NUP98: variants seen among roughly 807,000 people sequenced by gnomAD.
The protein encoded by NUP98 is nucleoporin 98 and 96 precursor, also known as nuclear pore complex protein Nup98-Nup96.
A neutral mutation model predicts 191.9 loss-of-function variants in NUP98; 26 were observed. The observed-to-expected ratio is 0.14, with a 90% CI of 0.10 to 0.19. The LOEUF (loss-of-function observed/expected upper bound fraction) is 0.19. Among genes scored for constraint, NUP98 ranks in the 10% least tolerant of loss-of-function variants. NUP98 has a pLI of 1.00. For synonymous variants in NUP98, 808 were observed against 778.4 expected (o/e 1.04, Z -0.63); for missense variants, 1,941 against 2,178.8 (o/e 0.89, Z 2.17).
chr11:3,776,117 CTTCA>C, intron 4 of NUP98, 96 bp from the exon 5 acceptor site: 2 of 746,398 alleles, frequency 2.7e-6, no homozygotes, highest in Admixed American at 2.7e-5. Flanking sequence ...CATCACAGTA[CTTCA>C]TTTTTTTTTT....
intron 6 of NUP98, among the ~76,000 whole-genome samples, chr11:3,772,397 A>C (rs1719993618): frequency 6.6e-6 from 1 of 152,226 alleles, no homozygotes. Flanking sequence ...AGAAAGAAGC[A>C]ATCACTATAA....
chr11:3,720,783 A>G lies in NUP98; in HGVS notation c.2189T>C (p.Met730Thr). The G allele has an allele frequency of 6.3e-7, 1 of 1,580,264 alleles. No homozygotes were observed. Among genetic ancestry groups the G allele is most frequent in the South Asian group, 1.1e-5 (1 of 90,194 alleles). ...TKVGYYTIPS[M>T]DDLAKITNEK... The stretch of plus-strand genomic sequence containing the variant: ...ATTGGTAATTTTAGCAAGGTCATCC[A>G]TAGATGGAATAGTATAGTAACCAAC... The change falls in exon 17 of 33, where the codon ATG (methionine) becomes ACG (threonine). Residue 730 changes from methionine to threonine, a missense_variant. By Grantham distance (81) the Met-to-Thr change is moderately conservative. Coordinates refer to ENST00000324932, the MANE Select transcript of NUP98 (RefSeq NM_016320.5).
chr11:3,741,698 C>A (rs1476308999), intron 12 of NUP98, among the ~76,000 whole-genome samples: 4 of 152,050 alleles, frequency 2.6e-5, no homozygotes, highest in African/African-American at 4.8e-5. Flanking sequence ...GTCAAAGACA[C>A]AACTGTTAAG....
intron 2 of NUP98, among the ~76,000 whole-genome samples, chr11:3,780,799 G>A (rs1487586114): frequency 6.6e-6 from 1 of 151,836 alleles, no homozygotes; most frequent in Non-Finnish European, 1.5e-5. Flanking sequence ...GAGCCAGGAG[G>A]CCAGGCGCAG....
At chr11:3,705,944 G>A (rs1221030843) in intron 21 of NUP98, among the ~76,000 whole-genome samples, 1 of 146,736 alleles carries the variant, frequency 6.8e-6, no homozygotes, top group Admixed American at 7.0e-5. Context: ...GAGGTCAGGA[G>A]TTCGAGACCA....
chr11:3,786,807 A>G (rs934453617), intron 1 of NUP98, among the ~76,000 whole-genome samples: 18 of 152,176 alleles, frequency 1.2e-4, no homozygotes, highest in Admixed American at 1.1e-3. Context: ...AACGTTTACA[A>G]CTCCAGGCAA....
intron 1 of NUP98, among the ~76,000 whole-genome samples, chr11:3,785,726 T>C (rs2082121458): frequency 6.6e-6 from 1 of 152,168 alleles, no homozygotes; most frequent in Non-Finnish European, 1.5e-5. Flanking sequence ...GCCACTGCAC[T>C]CCAGTCTGGG....
intron 26 of NUP98, 51 bp from the exon 27 acceptor site, chr11:3,693,426 T>A: frequency 6.4e-7 from 1 of 1,568,648 alleles, no homozygotes; most frequent in Non-Finnish European, 8.8e-7. Flanking sequence ...TGTTATTACC[T>A]GTGTGTGCAA....
Position 3,713,951 on chromosome 11 carries a change from G to A in NUP98, c.2444C>T (p.Thr815Ile). Reference protein sequence around the residue: ...TLDGVWPTDKTSRCLIKSPDR... With the variant: ...TLDGVWPTDKISRCLIKSPDR... ...TGGGCTCTTTATTAAACAACGAGAT[G>A]TTTTATCTGTTGGCCAAACTCCATC... The change falls in exon 19 of 33, where the codon ACA (threonine) becomes ATA (isoleucine). Residue 815 changes from threonine to isoleucine, a missense_variant. Thr to Ile is a moderately conservative substitution (Grantham distance 89). This residue lies in a region of NUP98 where 95 missense variants were observed against 139.7 expected (regional missense o/e 0.68). Transcript: ENST00000324932. The A allele has an allele frequency of 1.9e-6, 3 of 1,614,052 alleles. No homozygotes were observed. In the South Asian group the frequency reaches 3.3e-5, roughly 18 times the overall value.
intron 10 of NUP98, among the ~76,000 whole-genome samples, chr11:3,759,569 C>G (rs951487317): frequency 1.3e-4 from 20 of 152,092 alleles, no homozygotes; most frequent in Non-Finnish European, 7.4e-5. Flanking sequence ...TGCCACTGCA[C>G]TCCAGCCTGG....
chr11:3,765,287 T>TA (rs1239786591), intron 8 of NUP98, among the ~76,000 whole-genome samples: 1 of 152,200 alleles, frequency 6.6e-6, no homozygotes, highest in Non-Finnish European at 1.5e-5. Context: ...CCACAGCTTC[T>TA]AACTCATGAC....
intron 24 of NUP98, among the ~76,000 whole-genome samples, chr11:3,700,268 CA>C (rs35824298): frequency 0.056 from 5,237 of 93,316 alleles, 119 homozygotes; most frequent in South Asian, 0.16. Flanking sequence ...GACTCCGTCT[CA>C]AAAAAAAAAA....
chr11:3,749,989 T>C (rs1281686739), intron 11 of NUP98, among the ~76,000 whole-genome samples: 3 of 152,192 alleles, frequency 2.0e-5, no homozygotes, highest in Non-Finnish European at 4.4e-5. Context: ...AATCCTACAA[T>C]AAACTAACAC....
Position 3,797,324 on chromosome 11 carries a change from C to A in NUP98, c.-29+76G>T, listed in dbSNP as rs184776395. 837 of 400,178 alleles carry A rather than the reference C, an allele frequency of 2.1e-3. 7 individuals are homozygous for A. Among genetic ancestry groups the A allele is most frequent in the Middle Eastern group, 0.014 (23 of 1,596 alleles). 24.8% of individuals were successfully genotyped at this position (400,178 alleles called of 1,614,324 possible). On this transcript the variant is annotated intron_variant, in intron 1 of 32. Transcript: ENST00000324932. ...TTCGAAGCGGAGAGGCCCTGAGACG[C>A]CCCGCGCGTCCGCCCGCCCGGAAGG... is the stretch of plus-strand genomic sequence containing the variant.
At chr11:3,776,950 C>G (rs2081753551) in intron 4 of NUP98, among the ~76,000 whole-genome samples, 1 of 152,176 alleles carries the variant, frequency 6.6e-6, no homozygotes, top group Non-Finnish European at 1.5e-5. Flanking sequence ...TAAATTTTAT[C>G]TCATTTCTCC....
intron 12 of NUP98, among the ~76,000 whole-genome samples, chr11:3,743,933 C>A (rs377414979): frequency 2.0e-5 from 3 of 151,958 alleles, no homozygotes; most frequent in East Asian, 3.9e-4. Context: ...GTGGCATGCA[C>A]CTGTAATCCC....
At chr11:3,677,445 C>T (rs2077852861) in intron 31 of NUP98, among the ~76,000 whole-genome samples, 2 of 140,872 alleles carry the variant, frequency 1.4e-5, no homozygotes, top group Admixed American at 7.5e-5. Flanking sequence ...AGGGGGGTCT[C>T]GTTATGTTGC....
chr11:3,793,663 T>C (rs1185744334), intron 1 of NUP98, among the ~76,000 whole-genome samples: 12 of 152,120 alleles, frequency 7.9e-5, no homozygotes, highest in South Asian at 2.1e-4. Context: ...CTGAATTAAG[T>C]ACAAATTCCT....
At chr11:3,696,225 G>C (rs1233218354) in intron 25 of NUP98, among the ~76,000 whole-genome samples, 1 of 151,866 alleles carries the variant, frequency 6.6e-6, no homozygotes, top group Non-Finnish European at 1.5e-5. Flanking sequence ...GAAAACACTG[G>C]GCACGGTGGC....
Sources: gnomAD v4.1 joint callset for allele counts (sites outside exome capture counted in the v4.1 genomes callset) on GRCh38, gnomAD v4.1.1 for gene constraint, gnomAD v4.1.1 regional missense constraint, MANE v1.5 for transcripts, NCBI Gene and HGNC (gene_info 2026-07-23, HGNC 2026-07-21) for gene names.